The following TYW3 variants were observed in gnomAD, a reference collection of about 807,000 sequenced individuals.
TYW3 encodes the protein tRNA-yW synthesizing protein 3 homolog.
In TYW3, 26 loss-of-function variants were observed where a neutral mutation model predicts 23.1. The observed-to-expected ratio is 1.13, with a 90% CI of 0.83 to 1.56. The LOEUF (loss-of-function observed/expected upper bound fraction) is 1.56, where lower values mean the gene tolerates loss of function less well. Among genes scored for constraint, TYW3 ranks in the 40% most tolerant of loss-of-function variants. The pLI is 0.00. For missense variants in TYW3, 316 were observed against 311.9 expected (o/e 1.01, Z -0.10); for synonymous variants, 102 against 105.7 (o/e 0.97, Z 0.21).
At chr1:74,758,363 C>T (rs1649020127) in intron 5 of TYW3, among the ~76,000 whole-genome samples, 1 of 152,210 alleles carries the variant, frequency 6.6e-6, no homozygotes, top group Admixed American at 6.5e-5. Context: ...TGTTTCTTAC[C>T]TTATTCTAAA....
At chr1:74,757,213 T>C (rs1648984262) in intron 5 of TYW3, among the ~76,000 whole-genome samples, 1 of 152,138 alleles carries the variant, frequency 6.6e-6, no homozygotes, top group Admixed American at 6.5e-5. Context: ...CTAGTGGAGC[T>C]GTGAGAAGCG....
At chr1:74,747,593 C>T (rs1406181848) in intron 3 of TYW3, among the ~76,000 whole-genome samples, 4 of 147,592 alleles carry the variant, frequency 2.7e-5, no homozygotes, top group African/African-American at 7.5e-5. Context: ...GCCGAGATCC[C>T]GCCACTGCAC....
In TYW3 at chr1:74,744,559, G is replaced by A. The variant is rs1343858342; in HGVS notation, c.355-4192G>A. Among the ~76,000 whole-genome samples the A allele has an allele frequency of 2.6e-5, 4 of 152,194 alleles. No individual in the cohort carries two copies. The South Asian group carries it at 6.2e-4, about 24-fold the overall frequency. On this transcript the variant is annotated intron_variant, in intron 3 of 5. Coordinates refer to ENST00000370867, the MANE Select transcript of TYW3 (RefSeq NM_138467.3). ...TAGGACAGAATAGCAAGCGAAAGCG[G>A]TCCAATGGTACTCACCACTTGGCAA... is the stretch of plus-strand genomic sequence containing the variant.
intron 5 of TYW3, 123 bp from the exon 6 acceptor site, chr1:74,763,767 TTTGA>T (rs1649204749): frequency 1.6e-6 from 1 of 618,668 alleles, no homozygotes; most frequent in African/African-American, 1.9e-5. Context: ...ATATTATTTA[TTTGA>T]TTTATATTTA....
At chr1:74,734,461 G>A (rs1438060568) in intron 1 of TYW3, among the ~76,000 whole-genome samples, 4 of 152,140 alleles carry the variant, frequency 2.6e-5, no homozygotes, top group Non-Finnish European at 2.9e-5. Context: ...GTTTTAAAGT[G>A]CTTTTTTGAA....
intron 5 of TYW3, among the ~76,000 whole-genome samples, chr1:74,763,056 C>T (rs185612253): frequency 1.6e-4 from 24 of 152,016 alleles, no homozygotes; most frequent in Admixed American, 4.6e-4. Context: ...TAAAATAATG[C>T]GATATCATTT....
At chr1:74,745,541 G>A (rs572278427) in intron 3 of TYW3, among the ~76,000 whole-genome samples, 20 of 152,164 alleles carry the variant, frequency 1.3e-4, no homozygotes, top group African/African-American at 1.9e-4. Flanking sequence ...TGATTGGTGC[G>A]TTATTACAGA....
Position 74,743,906 on chromosome 1 carries a change from A to G in TYW3, c.355-4845A>G, listed in dbSNP as rs1314144099. 3.9e-5 allele frequency among the ~76,000 whole-genome samples: 6 copies of G among 152,168 alleles called. No individual in the cohort carries two copies. In the East Asian group the frequency reaches 1.2e-3, roughly 29 times the overall value. ...AGGTTTGCCCTGGAGCCTGTAGGAC[A>G]TCTGTATACCTATCAGGATCATCTG... On this transcript the variant is annotated intron_variant, in intron 3 of 5. Coordinates refer to ENST00000370867, the MANE Select transcript of TYW3 (RefSeq NM_138467.3).
chr1:74,736,672 TTAAA>T, intron 2 of TYW3, 50 bp downstream of exon 2: 1 of 1,392,668 alleles, frequency 7.2e-7, no homozygotes, highest in East Asian at 2.3e-5. Flanking sequence ...TTCAGTTACT[TTAAA>T]TACATATGAC....
At chr1:74,748,229 A>G (rs1011772603) in intron 3 of TYW3, among the ~76,000 whole-genome samples, 1 of 152,194 alleles carries the variant, frequency 6.6e-6, no homozygotes, top group Non-Finnish European at 1.5e-5. Flanking sequence ...TGGAGAAAAT[A>G]AGGGACCCAT....
chr1:74,752,163 A>C, intron 4 of TYW3, 129 bp from the exon 5 acceptor site: 2 of 869,276 alleles, frequency 2.3e-6, no homozygotes, highest in Non-Finnish European at 3.3e-6. Context: ...AATTCTATCA[A>C]AGCGCTAACT....
chr1:74,758,694 A>G (rs1413611088), intron 5 of TYW3, among the ~76,000 whole-genome samples: 3 of 149,624 alleles, frequency 2.0e-5, no homozygotes, highest in Non-Finnish European at 2.9e-5. Flanking sequence ...AGCCATTTTC[A>G]TGGTTCTGAT....
chr1:74,761,414 C>G (rs1649133194), intron 5 of TYW3, among the ~76,000 whole-genome samples: 1 of 150,894 alleles, frequency 6.6e-6, no homozygotes, highest in Non-Finnish European at 1.5e-5. Flanking sequence ...GCATTTTTCA[C>G]AAGCTGTTAA....
At chr1:74,738,544 A>C in intron 2 of TYW3, 146 bp from the exon 3 acceptor site, 1 of 477,748 alleles carries the variant, frequency 2.1e-6, no homozygotes, top group Non-Finnish European at 3.6e-6. Context: ...AAAAGGACCA[A>C]GAAAGCAGAG....
intron 3 of TYW3, among the ~76,000 whole-genome samples, chr1:74,747,148 G>C (rs72973615): frequency 0.047 from 7,187 of 152,254 alleles, 323 homozygotes; most frequent in African/African-American, 0.12. Flanking sequence ...GACTCCTCCA[G>C]AAGTTAAGGA....
intron 2 of TYW3, among the ~76,000 whole-genome samples, chr1:74,737,802 A>G (rs1053864351): frequency 1.3e-5 from 2 of 152,204 alleles, no homozygotes; most frequent in African/African-American, 2.4e-5. Context: ...AAAAACACGC[A>G]TACTAGGCTC....
At chr1:74,745,176 G>C (rs1371023203) in intron 3 of TYW3, among the ~76,000 whole-genome samples, 1 of 152,204 alleles carries the variant, frequency 6.6e-6, no homozygotes, top group Non-Finnish European at 1.5e-5. Context: ...GACCTCCGCA[G>C]TGAGTGTTAC....
intron 1 of TYW3, chr1:74,733,661 C>T: frequency 1.5e-6 from 1 of 686,842 alleles, no homozygotes; most frequent in Non-Finnish European, 1.8e-6. Context: ...AGGGTAGGGC[C>T]TGATACTGTG....
chr1:74,749,892 G>A (rs1369010671), intron 4 of TYW3, among the ~76,000 whole-genome samples: 1 of 152,158 alleles, frequency 6.6e-6, no homozygotes, highest in Non-Finnish European at 1.5e-5. Context: ...GGAGGTGGAA[G>A]TTGCAGTTAG....
Sources: gnomAD v4.1 joint callset for allele counts (sites outside exome capture counted in the v4.1 genomes callset) on GRCh38, gnomAD v4.1.1 for gene constraint, MANE v1.5 for transcripts, NCBI Gene and HGNC (gene_info 2026-07-23, HGNC 2026-07-21) for gene names.